Variants in NRG1 observed in about 807,000 individuals in gnomAD.
The protein encoded by NRG1 is neuregulin 1, also known as pro-neuregulin-1, membrane-bound isoform.
A neutral mutation model predicts 63.8 loss-of-function variants in NRG1; 18 were observed. The observed-to-expected ratio is 0.28, with a 90% CI of 0.19 to 0.42. The LOEUF (loss-of-function observed/expected upper bound fraction) is 0.42, where lower values mean the gene tolerates loss of function less well. Among genes scored for constraint, NRG1 ranks in the 10% least tolerant of loss-of-function variants. The pLI is 1.00. For synonymous variants in NRG1, 302 were observed against 301.3 expected, an observed-to-expected ratio of 1.00 and a Z score of -0.02; for missense variants, 762 against 814.7, an observed-to-expected ratio of 0.94 and a Z score of 0.79.
At chr8:31,728,956 T>C (rs1563335136) in intron 1 of NRG1, among the ~76,000 whole-genome samples, 2 of 152,212 alleles carry the variant, frequency 1.3e-5, no homozygotes, top group Non-Finnish European at 2.9e-5. Flanking sequence ...GTAAATTCCA[T>C]GTTGACTCTG....
At chr8:32,192,771 A>G (rs1162746133) in intron 1 of NRG1, among the ~76,000 whole-genome samples, 1 of 152,202 alleles carries the variant, frequency 6.6e-6, no homozygotes, top group African/African-American at 2.4e-5. Flanking sequence ...AACATAAAAC[A>G]TATAGATTTT....
intron 5 of NRG1, among the ~76,000 whole-genome samples, chr8:32,653,123 G>T (rs201425017): frequency 2.0e-5 from 3 of 148,340 alleles, no homozygotes; most frequent in African/African-American, 2.5e-5. Context: ...TTCCTCTTTG[G>T]TTTTTTTTTG....
At chr8:32,500,407 C>A (rs28406305) in intron 1 of NRG1, among the ~76,000 whole-genome samples, 1 of 152,008 alleles carries the variant, frequency 6.6e-6, no homozygotes, top group Admixed American at 6.6e-5. Context: ...AGGCTAGGAA[C>A]GCTATAAACC....
rs147660257 is a variant in NRG1, at chr8:32,077,730, G to A, written c.37+438299G>A. Among the ~76,000 whole-genome samples the A allele has an allele frequency of 2.9e-3, 440 of 152,304 alleles. 4 individuals carry two copies. Among genetic ancestry groups the A allele is most frequent in the African/African-American group, 0.01 (419 of 41,580 alleles). On this transcript the variant is annotated intron_variant, in intron 1 of 10. Coordinates refer to the NRG1 transcript ENST00000519301. ...GAACTTTGATGAGCCTAATACAGGT[G>A]CTATACGGGATGAAGTGAATATGCT...
At chr8:32,108,008 C>T (rs1775029789) in intron 1 of NRG1, among the ~76,000 whole-genome samples, 1 of 151,824 alleles carries the variant, frequency 6.6e-6, no homozygotes, top group African/African-American at 2.4e-5. Context: ...ATAAATTATC[C>T]CACTATATAT....
intron 1 of NRG1, among the ~76,000 whole-genome samples, chr8:31,778,658 T>C (rs1324905875): frequency 6.6e-6 from 1 of 152,226 alleles, no homozygotes; most frequent in Non-Finnish European, 1.5e-5. Context: ...AACTAATGTG[T>C]ACAGATTTGA....
At chr8:32,394,402 A>G (rs1331997677) in intron 1 of NRG1, among the ~76,000 whole-genome samples, 1 of 152,192 alleles carries the variant, frequency 6.6e-6, no homozygotes, top group African/African-American at 2.4e-5. Flanking sequence ...GCCACGTTTT[A>G]TCTACGTCTT....
At chr8:32,136,206 A>C (rs1323942625) in intron 1 of NRG1, among the ~76,000 whole-genome samples, 1 of 152,194 alleles carries the variant, frequency 6.6e-6, no homozygotes, top group Non-Finnish European at 1.5e-5. Context: ...TGAGGCAAAG[A>C]TCAACAGAGC....
At chr8:32,162,982 C>T (rs1256733870) in intron 1 of NRG1, among the ~76,000 whole-genome samples, 1 of 152,140 alleles carries the variant, frequency 6.6e-6, no homozygotes, top group Non-Finnish European at 1.5e-5. Flanking sequence ...TTTCCAGCTT[C>T]CAAATGTGAT....
At chr8:32,391,580 A>C (rs1811773070) in intron 1 of NRG1, among the ~76,000 whole-genome samples, 1 of 152,048 alleles carries the variant, frequency 6.6e-6, no homozygotes, top group Non-Finnish European at 1.5e-5. Context: ...TGTTCTCATC[A>C]TGTAGCTCCC....
At chr8:31,984,916 T>G (rs1412672403) in intron 1 of NRG1, among the ~76,000 whole-genome samples, 4 of 152,132 alleles carry the variant, frequency 2.6e-5, no homozygotes, top group African/African-American at 9.7e-5. Context: ...GAAAAGCATT[T>G]GCACTGGGGG....
chr8:32,633,317 G>GT (rs1850686128), intron 5 of NRG1, among the ~76,000 whole-genome samples: 1 of 152,066 alleles, frequency 6.6e-6, no homozygotes, highest in Non-Finnish European at 1.5e-5. Context: ...GTCTGCTTTT[G>GT]TGGCTGTTTT....
intron 1 of NRG1, among the ~76,000 whole-genome samples, chr8:31,914,877 A>G (rs1176379841): frequency 6.6e-6 from 1 of 152,090 alleles, no homozygotes; most frequent in African/African-American, 2.4e-5. Context: ...ATTTTAGATC[A>G]TGAAACATAT....
chr8:32,671,561 G>A (rs1264381095), intron 5 of NRG1, among the ~76,000 whole-genome samples: 1 of 152,098 alleles, frequency 6.6e-6, no homozygotes, highest in East Asian at 1.9e-4. Context: ...ATTTTAAAAT[G>A]CTTAAAAAAT....
At chr8:32,112,742 A>C (rs1832196393) in intron 1 of NRG1, among the ~76,000 whole-genome samples, 1 of 152,144 alleles carries the variant, frequency 6.6e-6, no homozygotes, top group Non-Finnish European at 1.5e-5. Context: ...CTCCCTCTAT[A>C]AACTGGAGAA....
At chr8:31,737,126 A>G (rs1340387085) in intron 1 of NRG1, among the ~76,000 whole-genome samples, 2 of 152,162 alleles carry the variant, frequency 1.3e-5, no homozygotes, top group Non-Finnish European at 2.9e-5. Flanking sequence ...GAGATGTAAC[A>G]TAGATTTTAT....
intron 1 of NRG1, among the ~76,000 whole-genome samples, chr8:32,181,170 C>A (rs1442663750): frequency 1.3e-5 from 2 of 152,152 alleles, no homozygotes; most frequent in African/African-American, 4.8e-5. Flanking sequence ...CTTGGATCCT[C>A]TGTATTTTAT....
chr8:32,417,195 G>C (rs1234097013), intron 1 of NRG1, among the ~76,000 whole-genome samples: 1 of 152,124 alleles, frequency 6.6e-6, no homozygotes. Context: ...TATTGGGGGT[G>C]TGCCTTCTAC....
chr8:32,380,520 G>C (rs1433793464), intron 1 of NRG1, among the ~76,000 whole-genome samples: 1 of 151,936 alleles, frequency 6.6e-6, no homozygotes, highest in East Asian at 1.9e-4. Flanking sequence ...TCCCCACTTG[G>C]ATGTCCAGAA....
Sources: allele counts gnomAD v4.1 joint callset (sites outside exome capture counted in the v4.1 genomes callset), GRCh38; gene constraint gnomAD v4.1.1; transcripts MANE v1.5; gene names NCBI Gene and HGNC (gene_info 2026-07-23, HGNC 2026-07-21).